The following BAIAP2 variants were observed in gnomAD, a reference collection of about 807,000 sequenced individuals.
The protein encoded by BAIAP2 is BAR/IMD domain containing adaptor protein 2.
In BAIAP2, 18 loss-of-function variants were observed where a neutral mutation model predicts 63.0. That is an observed-to-expected ratio of 0.29 (90% confidence interval 0.20 to 0.42). The LOEUF is 0.42. Ranked by LOEUF, BAIAP2 falls within the 10% of genes least tolerant of loss-of-function variation. BAIAP2 has a pLI of 1.00. For synonymous variants in BAIAP2, 386 were observed against 307.6 expected, an observed-to-expected ratio of 1.25 and a Z score of -2.67; for missense variants, 610 against 734.3, an observed-to-expected ratio of 0.83 and a Z score of 1.96.
intron 3 of BAIAP2, among the ~76,000 whole-genome samples, chr17:81,074,311 G>A (rs554594535): frequency 8.0e-5 from 12 of 149,672 alleles, no homozygotes; most frequent in South Asian, 6.5e-4. Context: ...TGTGAGTGCC[G>A]GTGTGTGTGC....
intron 12 of BAIAP2, chr17:81,107,420 G>A (rs1211658855): frequency 6.5e-6 from 1 of 154,800 alleles, no homozygotes; most frequent in East Asian, 1.9e-4. Context: ...GGAGGCCAGA[G>A]GTGGAGGATC....
chr17:81,064,331 G>A (rs992906165), intron 3 of BAIAP2, among the ~76,000 whole-genome samples: 1 of 152,196 alleles, frequency 6.6e-6, no homozygotes, highest in Admixed American at 6.5e-5. Flanking sequence ...GGGAGGTCCT[G>A]TCTTCAGCCC....
intron 6 of BAIAP2, among the ~76,000 whole-genome samples, chr17:81,093,395 C>G (rs1023006016): frequency 6.9e-6 from 1 of 144,286 alleles, no homozygotes; most frequent in Non-Finnish European, 1.6e-5. Context: ...CAGAGATGCC[C>G]GGGGCTACAA....
At chr17:81,055,160 G>C (rs537530451) in intron 2 of BAIAP2, among the ~76,000 whole-genome samples, 106 of 152,310 alleles carry the variant, frequency 7.0e-4, no homozygotes, top group African/African-American at 2.5e-3. Flanking sequence ...GGTTAGAGGT[G>C]TCAAGGACGG....
chr17:81,103,180 G>A (rs1196968686), intron 7 of BAIAP2, among the ~76,000 whole-genome samples: 14 of 152,194 alleles, frequency 9.2e-5, no homozygotes, highest in East Asian at 7.7e-4. Flanking sequence ...TTTGCCCACC[G>A]GAGTTTGACC....
intron 1 of BAIAP2, among the ~76,000 whole-genome samples, chr17:81,038,408 C>T (rs1301333576): frequency 6.6e-6 from 1 of 152,230 alleles, no homozygotes; most frequent in Non-Finnish European, 1.5e-5. Context: ...CCACCACCTT[C>T]TCTGGGCATA....
intron 3 of BAIAP2, among the ~76,000 whole-genome samples, chr17:81,074,954 G>A (rs2053410701): frequency 6.6e-6 from 1 of 152,246 alleles, no homozygotes. Context: ...AGGTTGGGCT[G>A]GGAAGAGAAT....
chr17:81,113,725 T>C (rs1488553563), intron 13 of BAIAP2, among the ~76,000 whole-genome samples: 2 of 152,040 alleles, frequency 1.3e-5, no homozygotes, highest in Non-Finnish European at 2.9e-5. Flanking sequence ...CTCCACCTGG[T>C]CCCACTGTTC....
chr17:81,071,552 AAGG>A (rs905977303), intron 3 of BAIAP2, among the ~76,000 whole-genome samples: 2 of 152,216 alleles, frequency 1.3e-5, no homozygotes, highest in East Asian at 1.9e-4. Flanking sequence ...CCAGCAGAGA[AAGG>A]AGAAGAGTTC....
At chr17:81,090,995 G>A (rs1397847948) in intron 6 of BAIAP2, among the ~76,000 whole-genome samples, 1 of 152,148 alleles carries the variant, frequency 6.6e-6, no homozygotes, top group Non-Finnish European at 1.5e-5. Flanking sequence ...GAACTGGGCT[G>A]GCTGGCCCCG....
At chr17:81,109,427 T>G (rs1439083212) in intron 13 of BAIAP2, 1 of 1,000,574 alleles carries the variant, frequency 1.0e-6, no homozygotes, top group Non-Finnish European at 1.2e-6. Flanking sequence ...AAGGACTTTT[T>G]TTTTCCTGAA....
At chr17:81,037,257 T>G (rs1285534084) in intron 1 of BAIAP2, among the ~76,000 whole-genome samples, 2 of 152,246 alleles carry the variant, frequency 1.3e-5, no homozygotes, top group Non-Finnish European at 2.9e-5. Context: ...GATGATTTGA[T>G]TTAGCACGGC....
intron 1 of BAIAP2, among the ~76,000 whole-genome samples, chr17:81,040,715 C>T (rs1055268467): frequency 2.6e-5 from 4 of 152,270 alleles, no homozygotes; most frequent in Admixed American, 2.6e-4. Flanking sequence ...CCTCTGAGAG[C>T]TCCCTGGAGG....
chr17:81,105,688 G>T (rs889947876), intron 10 of BAIAP2: 51 of 207,020 alleles, frequency 2.5e-4, no homozygotes, highest in African/African-American at 1.2e-3. Flanking sequence ...TCTGAGGAGG[G>T]GGCCGAGGGC....
In BAIAP2 at chr17:81,035,239, G is replaced by C. The variant is rs1231657712; in HGVS notation, c.-16G>C. On this transcript the variant is annotated 5_prime_UTR_variant, in exon 1 of 14. Coordinates refer to ENST00000428708, the MANE Select transcript of BAIAP2 (RefSeq NM_001144888.2). ...GTCCCCCGCTCCGGTCTGTGGTGCAGCCGGGACCCAGGACCATGTCTCTGT... is the reference window on the plus strand; with the variant it reads ...GTCCCCCGCTCCGGTCTGTGGTGCACCCGGGACCCAGGACCATGTCTCTGT... 9 of 1,506,906 alleles carry C rather than the reference G, an allele frequency of 6.0e-6. No individual in the cohort carries two copies. The highest frequency in any genetic ancestry group is 8.0e-6 in the Non-Finnish European group (9 of 1,122,154). 93.3% of individuals were successfully genotyped at this position (1,506,906 alleles called of 1,614,324 possible). A position where few individuals can be genotyped will look rare whatever the true frequency, so the allele number is the denominator to read the frequency against.
chr17:81,095,162 G>A (rs1319322996), intron 6 of BAIAP2, among the ~76,000 whole-genome samples: 3 of 152,212 alleles, frequency 2.0e-5, no homozygotes, highest in Admixed American at 1.3e-4. Context: ...AGCTAAGCAC[G>A]CAGCCGGTGG....
At chr17:81,085,594 C>T (rs570115345) in intron 4 of BAIAP2, 60 bp from the exon 5 acceptor site, 106 of 1,445,180 alleles carry the variant, frequency 7.3e-5, no homozygotes, top group Non-Finnish European at 9.4e-5. Context: ...CCTGCCCTGC[C>T]TCCTGTTCCG....
chr17:81,114,938 G>A (rs1030620500), intron 13 of BAIAP2, among the ~76,000 whole-genome samples: 6 of 152,228 alleles, frequency 3.9e-5, no homozygotes, highest in Admixed American at 6.5e-5. Context: ...GCACAGTCCC[G>A]TCCCTGCTGC....
chr17:81,064,794 G>A (rs80237106), intron 3 of BAIAP2, among the ~76,000 whole-genome samples: 2 of 151,342 alleles, frequency 1.3e-5, no homozygotes, highest in Middle Eastern at 3.4e-3. Flanking sequence ...AGGGCCTCCC[G>A]TCTTCAGTCA....
Sources: gnomAD v4.1 joint callset for allele counts (sites outside exome capture counted in the v4.1 genomes callset) on GRCh38, gnomAD v4.1.1 for gene constraint, MANE v1.5 for transcripts, NCBI Gene and HGNC (gene_info 2026-07-23, HGNC 2026-07-21) for gene names.